ABRAXAS2: variants seen among roughly 807,000 people sequenced by gnomAD.
The protein encoded by ABRAXAS2 is abraxas 2, BRISC complex subunit.
ABRAXAS2 carries 23 observed loss-of-function variants against 49.0 expected under a neutral mutation model. That is an observed-to-expected ratio of 0.47 (90% CI 0.34 to 0.66). The LOEUF is 0.66. Ranked by LOEUF, ABRAXAS2 falls within the 30% of genes least tolerant of loss-of-function variation. The pLI is 0.01. For missense variants in ABRAXAS2, 443 were observed against 511.9 expected (o/e 0.87, Z 1.30); for synonymous variants, 168 against 180.2 (o/e 0.93, Z 0.54).
At chr10:124,829,139 T>C (rs549797137) in intron 6 of ABRAXAS2, among the ~76,000 whole-genome samples, 1 of 152,234 alleles carries the variant, frequency 6.6e-6, no homozygotes, top group Non-Finnish European at 1.5e-5. Flanking sequence ...TAGAGTATTA[T>C]TTCTGAGGTT....
chr10:124,826,563 A>G, intron 4 of ABRAXAS2, 32 bp from the exon 5 acceptor site: 1 of 1,593,958 alleles, frequency 6.3e-7, no homozygotes, highest in Non-Finnish European at 8.6e-7. Flanking sequence ...AATTTGTAAG[A>G]TTTCATGCAA....
rs1251945342 is a variant in ABRAXAS2, at chr10:124,825,210, C to T, written c.268-1385C>T. ...GCACATGCCTGTAATACCAGCTGCT[C>T]GGGAGGCTGAAGCAGGGGAATCGCT... On this transcript the variant is annotated intron_variant, in intron 4 of 8. Transcript: ENST00000298492. Among the ~76,000 whole-genome samples the T allele has an allele frequency of 4.0e-5, 6 of 150,240 alleles. No homozygotes were observed. In the South Asian group the frequency reaches 8.4e-4, roughly 21 times the overall value.
chr10:124,825,317 C>CA (rs34358193), intron 4 of ABRAXAS2, among the ~76,000 whole-genome samples: 55,704 of 103,782 alleles, frequency 0.54, 14,784 homozygotes, highest in South Asian at 0.72. Flanking sequence ...GACTCTGTCT[C>CA]AAAAAAAAAA....
At chr10:124,817,690 C>A (rs1564921431) in intron 3 of ABRAXAS2, among the ~76,000 whole-genome samples, 1 of 152,088 alleles carries the variant, frequency 6.6e-6, no homozygotes, top group Non-Finnish European at 1.5e-5. Context: ...GTCAGCTGGC[C>A]CAAACACCTG....
chr10:124,805,665 C>G (rs573502201), intron 1 of ABRAXAS2, among the ~76,000 whole-genome samples: 6 of 151,830 alleles, frequency 4.0e-5, no homozygotes, highest in African/African-American at 1.2e-4. Context: ...GTGAGAAGAC[C>G]AAGAAGAAAA....
In ABRAXAS2 at chr10:124,816,695, G is replaced by A. The variant is rs1436821544; in HGVS notation, c.200+83G>A. On this transcript the variant is annotated intron_variant, in intron 3 of 8. Transcript: ENST00000298492. ...AGTGAATTTTGGCCTGTAGCTGATT[G>A]TGGCTGTAAAGTCATGAGGGTACCC... The A allele has an allele frequency of 4.1e-6, 4 of 986,458 alleles. No individual in the cohort carries two copies. In the East Asian group the frequency reaches 9.5e-5, roughly 23 times the overall value. The allele number at this position is 986,458 out of a possible 1,614,324, so 61.1% of individuals were successfully genotyped here.
At chr10:124,826,469 G>T in intron 4 of ABRAXAS2, 126 bp from the exon 5 acceptor site, 3 of 823,124 alleles carry the variant, frequency 3.6e-6, no homozygotes, top group Non-Finnish European at 5.8e-6. Context: ...ATGGACGCTT[G>T]GGTTGTTCCA....
chr10:124,832,944 G>A (rs569618565), intron 8 of ABRAXAS2, among the ~76,000 whole-genome samples: 17 of 150,434 alleles, frequency 1.1e-4, no homozygotes, highest in Admixed American at 1.3e-4. Context: ...TCAGGAGTTC[G>A]AGACCAGCCT....
At position 124,835,151 on chromosome 10, in the gene ABRAXAS2, T is replaced by C. The variant is rs760294641; in HGVS notation, c.*180T>C. 77 of 523,520 alleles carry C rather than the reference T, an allele frequency of 1.5e-4. No individual in the cohort carries two copies. Among genetic ancestry groups the C allele is most frequent in the Middle Eastern group, 5.0e-4 (1 of 2,002 alleles). 32.4% of individuals were successfully genotyped at this position (523,520 alleles called of 1,614,324 possible). A position where few individuals can be genotyped will look rare whatever the true frequency, so the allele number is the denominator to read the frequency against. On this transcript the variant is annotated 3_prime_UTR_variant, in exon 9 of 9. Transcript: ENST00000298492. Reference sequence around the variant, plus strand: ...CGCTGCTCTTTACCTTTGGATACAGTGTGCAAGTTTCATGACAGAATCATT... The same window carrying C: ...CGCTGCTCTTTACCTTTGGATACAGCGTGCAAGTTTCATGACAGAATCATT...
At chr10:124,831,210 G>A (rs1312567897) in intron 7 of ABRAXAS2, 139 bp from the exon 8 acceptor site, 1 of 622,814 alleles carries the variant, frequency 1.6e-6, no homozygotes, top group African/African-American at 1.9e-5. Flanking sequence ...GGGCTTTCAT[G>A]ATTTTGTTCT....
intron 3 of ABRAXAS2, 117 bp from the exon 4 acceptor site, chr10:124,819,267 A>G: frequency 1.3e-6 from 1 of 749,464 alleles, no homozygotes; most frequent in Admixed American, 2.2e-5. Flanking sequence ...ACCTGTGTAA[A>G]CCTGTGTAAG....
At chr10:124,820,484 A>G (rs1950855443) in intron 4 of ABRAXAS2, among the ~76,000 whole-genome samples, 1 of 151,592 alleles carries the variant, frequency 6.6e-6, no homozygotes, top group African/African-American at 2.4e-5. Context: ...TTTTTTTTAA[A>G]GTTTTTTATT....
At chr10:124,817,972 G>A (rs187674924) in intron 3 of ABRAXAS2, among the ~76,000 whole-genome samples, 198 of 152,290 alleles carry the variant, frequency 1.3e-3, no homozygotes, top group Non-Finnish European at 6.8e-4. Context: ...CTTCTGTCTG[G>A]TCTACGAAGG....
rs908997964 is a variant in ABRAXAS2 at position 124,836,276 on chromosome 10, A to T, written c.*1305A>T. 6.6e-6 allele frequency: 1 copy of T among 152,288 alleles called. No homozygotes were observed. Among genetic ancestry groups the T allele is most frequent in the African/African-American group, 2.4e-5 (1 of 41,452 alleles). 9.4% of individuals were successfully genotyped at this position (152,288 alleles called of 1,614,324 possible). ...AAAGTAGTTTCAGTTTATAGGATAC[A>T]CATTTACTCACTGAGCTCCAGTTCC... On this transcript the variant is annotated 3_prime_UTR_variant, in exon 9 of 9. Transcript: ENST00000298492.
rs367720135 is a variant in ABRAXAS2, at chr10:124,834,939, G to A, written c.1216G>A (p.Asp406Asn). ...DSRPMAHPDE[D>N]PRNTQTSQI Reference sequence around the variant, plus strand: ...TCGACCCATGGCACATCCCGACGAGGACCCCAGGAACACTCAGACCTCCCA... The same window carrying A: ...TCGACCCATGGCACATCCCGACGAGAACCCCAGGAACACTCAGACCTCCCA... Residue 406 changes from aspartate (D) to asparagine (N), a missense_variant, in exon 9 of 9, where the codon GAC becomes AAC. Physicochemically the swap from Asp to Asn is conservative, Grantham distance 23. Around this residue, in one of 3 missense-constraint regions of ABRAXAS2, gnomAD observed 230 missense variants for 237.0 expected, o/e 0.97. Transcript: ENST00000298492. 8.9e-5 allele frequency: 144 copies of A among 1,613,048 alleles called. No individual in the cohort carries two copies. The highest frequency in any genetic ancestry group is 1.2e-4 in the Non-Finnish European group (141 of 1,179,584).
At chr10:124,828,275 C>G (rs1380340765) in intron 5 of ABRAXAS2, among the ~76,000 whole-genome samples, 1 of 152,078 alleles carries the variant, frequency 6.6e-6, no homozygotes, top group African/African-American at 2.4e-5. Context: ...ATTTCACTGC[C>G]ACCTTGAACT....
chr10:124,823,301 T>TG lies in ABRAXAS2; in HGVS notation c.268-3292dup, dbSNP rs148603890. 6.9e-3 allele frequency among the ~76,000 whole-genome samples: 1,045 copies of TG among 152,274 alleles called. 14 individuals are homozygous for TG. The highest frequency in any genetic ancestry group is 0.025 in the African/African-American group (1,020 of 41,546). On this transcript the variant is annotated intron_variant, in intron 4 of 8. Transcript: ENST00000298492. ...AAATTTTATCATTACCTCAAAAGGGTGGTTATATGACCCACAAGGTACATG... is the reference window on the plus strand; with the variant it reads ...AAATTTTATCATTACCTCAAAAGGGTGGGTTATATGACCCACAAGGTACATG...
Position 124,801,868 on chromosome 10 carries a change from G to A in ABRAXAS2, c.39G>A (p.Val13=), listed in dbSNP as rs1173937468. 6.2e-7 allele frequency: 1 copy of A among 1,613,394 alleles called. No homozygotes were observed. Among genetic ancestry groups the A allele is most frequent in the South Asian group, 1.1e-5 (1 of 91,068 alleles). ...TTTCGGGCTACACCTTCAGTGCTGT[G>A]TGTTTCCACAGCGCCAACAGCAACG... The part of the protein sequence containing the change: ...ASISGYTFSA[V]CFHSANSNAD... The change falls in exon 1 of 9, where the codon GTG becomes GTA. Residue 13 remains valine (V), a synonymous_variant. Transcript: ENST00000298492.
At chr10:124,821,570 A>G (rs1358770303) in intron 4 of ABRAXAS2, among the ~76,000 whole-genome samples, 1 of 150,162 alleles carries the variant, frequency 6.7e-6, no homozygotes, top group South Asian at 2.1e-4. Flanking sequence ...CCTGCCTTGG[A>G]AAAAAAAAAG....
Sources: gnomAD v4.1 joint callset for allele counts (sites outside exome capture counted in the v4.1 genomes callset) on GRCh38, gnomAD v4.1.1 for gene constraint, gnomAD v4.1.1 regional missense constraint, MANE v1.5 for transcripts, NCBI Gene and HGNC (gene_info 2026-07-23, HGNC 2026-07-21) for gene names.